Variants in SP3 observed in about 807,000 individuals in gnomAD.
The protein encoded by SP3 is transcription factor Sp3.
Under a neutral mutation model 70.3 loss-of-function variants are expected in SP3, and 10 were observed. The observed-to-expected ratio is 0.14, with a 90% CI of 0.09 to 0.24. The LOEUF is 0.24. SP3 is among the 10% of genes least tolerant of loss of function. The pLI is 1.00. For missense variants in SP3, 825 were observed against 914.6 expected, an observed-to-expected ratio of 0.90 and a Z score of 1.26; for synonymous variants, 402 against 333.5, an observed-to-expected ratio of 1.21 and a Z score of -2.24.
intron 4 of SP3, among the ~76,000 whole-genome samples, chr2:173,942,916 T>TATAGCATTTAC (rs1354326147): frequency 2.0e-5 from 3 of 152,288 alleles, no homozygotes; most frequent in South Asian, 2.1e-4. Context: ...CAACTATATA[T>TATAGCATTTAC]ATAGCATTTA....
chr2:173,915,419 G>A (rs1193684288), intron 5 of SP3: 1 of 152,038 alleles, frequency 6.6e-6, no homozygotes, highest in Non-Finnish European at 1.5e-5. Flanking sequence ...CAAAGTTCAG[G>A]AATAAAAGAT....
chr2:173,948,534 G>A (rs947426805), intron 4 of SP3, among the ~76,000 whole-genome samples: 8 of 152,022 alleles, frequency 5.3e-5, no homozygotes, highest in Non-Finnish European at 1.0e-4. Flanking sequence ...TAAGGGGGGC[G>A]ACTATTCTAT....
At chr2:173,911,844 GA>G (rs1689494455) in intron 6 of SP3, among the ~76,000 whole-genome samples, 2 of 118,788 alleles carry the variant, frequency 1.7e-5, no homozygotes, top group South Asian at 4.9e-4. Flanking sequence ...TTTGAGACAG[GA>G]TCTCACTTTG....
At chr2:173,944,058 T>A (rs1028730969) in intron 4 of SP3, among the ~76,000 whole-genome samples, 30 of 152,214 alleles carry the variant, frequency 2.0e-4, no homozygotes, top group African/African-American at 7.0e-4. Context: ...GGGACCACCA[T>A]CATATATGTG....
intron 4 of SP3, among the ~76,000 whole-genome samples, chr2:173,951,512 A>C (rs1690711822): frequency 6.6e-6 from 1 of 152,232 alleles, no homozygotes; most frequent in South Asian, 2.1e-4. Context: ...CATTTTCACA[A>C]ATCTCTGTAA....
At chr2:173,910,949 A>G (rs1268053989) in intron 6 of SP3, among the ~76,000 whole-genome samples, 1 of 152,134 alleles carries the variant, frequency 6.6e-6, no homozygotes, top group East Asian at 1.9e-4. Context: ...CCGACTCTGC[A>G]AGATTACCAA....
chr2:173,905,072 C>T lies in SP3; in HGVS notation c.*4869G>A, dbSNP rs1689278076. On this transcript the variant is annotated 3_prime_UTR_variant, in exon 7 of 7. Coordinates refer to ENST00000310015, the MANE Select transcript of SP3 (RefSeq NM_003111.5). ...CTTCAGTCTTTTCTTCTTATTCCAT[C>T]CTTTTCTGATAGGGCAGTCACTTCA... Among the ~76,000 whole-genome samples, 1 of 152,232 alleles carries T rather than the reference C, an allele frequency of 6.6e-6. No homozygotes were observed. The highest frequency in any genetic ancestry group is 1.5e-5 in the Non-Finnish European group (1 of 68,028).
chr2:173,920,262 GA>G (rs1689715700), intron 4 of SP3, among the ~76,000 whole-genome samples: 1 of 152,146 alleles, frequency 6.6e-6, no homozygotes, highest in African/African-American at 2.4e-5. Context: ...TGGTTGCCAG[GA>G]ATTAAAGGGG....
At chr2:173,953,633 G>C (rs1690783927) in intron 4 of SP3, among the ~76,000 whole-genome samples, 1 of 152,076 alleles carries the variant, frequency 6.6e-6, no homozygotes, top group Admixed American at 6.6e-5. Flanking sequence ...TGTAATCCCA[G>C]TTATTCAGGA....
chr2:173,925,067 T>TA (rs1158881494), intron 4 of SP3, among the ~76,000 whole-genome samples: 6 of 152,202 alleles, frequency 3.9e-5, no homozygotes, highest in Admixed American at 3.3e-4. Flanking sequence ...TCTGTATTTT[T>TA]AGTAGAGACC....
rs992991499 is a variant in SP3, at chr2:173,905,498, A to T, written c.*4443T>A. Among the ~76,000 whole-genome samples the T allele has an allele frequency of 6.6e-6, 1 of 152,184 alleles. No homozygotes were observed. The highest frequency in any genetic ancestry group is 2.4e-5 in the African/African-American group (1 of 41,436). ...AGTTAAAAGGTGAAAAATGGGGAAAAGGACTGAAGGAGATAGGCCTTCTCA... is the reference window on the plus strand; with the variant it reads ...AGTTAAAAGGTGAAAAATGGGGAAATGGACTGAAGGAGATAGGCCTTCTCA... On this transcript the variant is annotated 3_prime_UTR_variant, in exon 7 of 7. Coordinates refer to ENST00000310015, the MANE Select transcript of SP3 (RefSeq NM_003111.5).
At chr2:173,921,594 T>C (rs1264345525) in intron 4 of SP3, among the ~76,000 whole-genome samples, 1 of 152,168 alleles carries the variant, frequency 6.6e-6, no homozygotes, top group African/African-American at 2.4e-5. Flanking sequence ...ACATGCCTTG[T>C]GGTCCCAGCT....
chr2:173,942,781 A>T (rs1374601574), intron 4 of SP3, among the ~76,000 whole-genome samples: 1 of 152,168 alleles, frequency 6.6e-6, no homozygotes, highest in Non-Finnish European at 1.5e-5. Flanking sequence ...GCCTAGCCAA[A>T]CTATCATCTT....
chr2:173,956,630 T>C (rs996380277), intron 3 of SP3, among the ~76,000 whole-genome samples: 1 of 152,222 alleles, frequency 6.6e-6, no homozygotes. Flanking sequence ...TCATCCGACT[T>C]AGAAAAGATT....
At chr2:173,962,995 G>A (rs1483834428) in intron 3 of SP3, 1 of 152,152 alleles carries the variant, frequency 6.6e-6, no homozygotes, top group Admixed American at 6.5e-5. Flanking sequence ...GTAATAAAAT[G>A]AAAACATACT....
In SP3 at chr2:173,905,940, C is replaced by T. The variant is rs1206275472; in HGVS notation, c.*4001G>A. Among the ~76,000 whole-genome samples the T allele has an allele frequency of 6.6e-6, 1 of 152,158 alleles. No individual in the cohort carries two copies. The highest frequency in any genetic ancestry group is 1.9e-4 in the East Asian group (1 of 5,186). On this transcript the variant is annotated 3_prime_UTR_variant, in exon 7 of 7. Transcript: ENST00000310015. Reference sequence around the variant, plus strand: ...GCTTGAGACCAGTAAGTGGAGTCTGCAGTAAGCCATGATTGCACCACTGCA... The same window carrying T: ...GCTTGAGACCAGTAAGTGGAGTCTGTAGTAAGCCATGATTGCACCACTGCA...
In SP3 at chr2:173,955,536, CAGT is replaced by C; in HGVS notation, c.973_975del (p.Thr325del). On this transcript the variant is annotated inframe_deletion, in exon 4 of 7. Transcript: ENST00000310015. ...GATGTTGGCACAAATAAATCTGTAT[CAGT>C]ATTAGTTTCATTAATATCAGGAGAA... The C allele has an allele frequency of 6.2e-7, 1 of 1,614,072 alleles. No homozygotes were observed. The highest frequency in any genetic ancestry group is 8.5e-7 in the Non-Finnish European group (1 of 1,180,026).
At chr2:173,958,768 T>C (rs72913023) in intron 3 of SP3, among the ~76,000 whole-genome samples, 11,959 of 151,028 alleles carry the variant, frequency 0.079, 593 homozygotes, top group African/African-American at 0.13. Flanking sequence ...CTCGACAATA[T>C]ATTACACAAG....
In SP3 at chr2:173,906,062, CAA is replaced by C; in HGVS notation, c.*3877_*3878del. ...TTTCTGGGGAGAAGGTGTAGGATTCCAAAAAGACTAGGAATCACTGACAAAAA... is the reference window on the plus strand; with the variant it reads ...TTTCTGGGGAGAAGGTGTAGGATTCCAAAGACTAGGAATCACTGACAAAAA... On this transcript the variant is annotated 3_prime_UTR_variant, in exon 7 of 7. Coordinates refer to ENST00000310015, the MANE Select transcript of SP3 (RefSeq NM_003111.5). Among the ~76,000 whole-genome samples the C allele has an allele frequency of 6.6e-6, 1 of 152,052 alleles. No homozygotes were observed. Among genetic ancestry groups the C allele is most frequent in the Non-Finnish European group, 1.5e-5 (1 of 68,008 alleles).
Sources: allele counts gnomAD v4.1 joint callset (sites outside exome capture counted in the v4.1 genomes callset), GRCh38; gene constraint gnomAD v4.1.1; transcripts MANE v1.5; gene names NCBI Gene and HGNC (gene_info 2026-07-23, HGNC 2026-07-21).